ZBTB7C: variants seen among roughly 807,000 people sequenced by gnomAD.
ZBTB7C encodes zinc finger and BTB domain containing 7C, also known as zinc finger and BTB domain-containing protein 7C.
Under a neutral mutation model 25.7 loss-of-function variants are expected in ZBTB7C, and 8 were observed. That is an observed-to-expected ratio of 0.31 (90% confidence interval 0.18 to 0.56). ZBTB7C has a LOEUF of 0.56. Ranked by LOEUF, ZBTB7C falls within the 20% of genes least tolerant of loss-of-function variation. The pLI is 0.91. For synonymous variants in ZBTB7C, 394 were observed against 369.0 expected (o/e 1.07, Z -0.78); for missense variants, 824 against 855.2 (o/e 0.96, Z 0.46).
chr18:48,266,204 C>A (rs951533564), intron 2 of ZBTB7C, among the ~76,000 whole-genome samples: 3 of 152,088 alleles, frequency 2.0e-5, no homozygotes, highest in African/African-American at 7.2e-5. Context: ...TTTAAGTGGT[C>A]GATGGAGCTA....
intron 3 of ZBTB7C, among the ~76,000 whole-genome samples, chr18:48,089,910 G>A (rs1198113944): frequency 6.6e-6 from 1 of 152,234 alleles, no homozygotes; most frequent in Non-Finnish European, 1.5e-5. Flanking sequence ...GATCACGCAG[G>A]GTTGACACTG....
intron 2 of ZBTB7C, among the ~76,000 whole-genome samples, chr18:48,284,282 A>C (rs2044964362): frequency 6.6e-6 from 1 of 152,116 alleles, no homozygotes; most frequent in African/African-American, 2.4e-5. Context: ...TCTCTACAAA[A>C]ATAAAAATTA....
intron 3 of ZBTB7C, among the ~76,000 whole-genome samples, chr18:48,151,903 A>G (rs2040690220): frequency 6.6e-6 from 1 of 152,220 alleles, no homozygotes; most frequent in Admixed American, 6.5e-5. Flanking sequence ...TGTAGGTCAG[A>G]TGTAGATATG....
intron 3 of ZBTB7C, among the ~76,000 whole-genome samples, chr18:48,097,310 G>A (rs1051771147): frequency 6.6e-6 from 1 of 152,176 alleles, no homozygotes; most frequent in Non-Finnish European, 1.5e-5. Context: ...TGGGTAATCA[G>A]TTGTATAGAG....
At chr18:48,105,569 G>T (rs532724858) in intron 3 of ZBTB7C, among the ~76,000 whole-genome samples, 1 of 152,130 alleles carries the variant, frequency 6.6e-6, no homozygotes, top group Non-Finnish European at 1.5e-5. Flanking sequence ...GCCCCTGGAG[G>T]GGGTACTGCT....
At chr18:48,285,597 C>T (rs943367532) in intron 2 of ZBTB7C, among the ~76,000 whole-genome samples, 2 of 152,198 alleles carry the variant, frequency 1.3e-5, no homozygotes, top group Non-Finnish European at 1.5e-5. Context: ...AGCAATCCTC[C>T]TGCCTCGTCC....
At chr18:48,258,809 C>A (rs1472926580) in intron 2 of ZBTB7C, among the ~76,000 whole-genome samples, 4 of 152,148 alleles carry the variant, frequency 2.6e-5, no homozygotes, top group Non-Finnish European at 5.9e-5. Context: ...CAGGCGCACA[C>A]CACCACGCTC....
intron 2 of ZBTB7C, among the ~76,000 whole-genome samples, chr18:48,263,705 A>C (rs1414430331): frequency 1.3e-5 from 2 of 152,094 alleles, no homozygotes; most frequent in South Asian, 2.1e-4. Context: ...AAAAAAAAAA[A>C]AAAACTCAGC....
intron 3 of ZBTB7C, chr18:48,148,355 A>T (rs184436725): frequency 4.6e-5 from 7 of 152,322 alleles, no homozygotes; most frequent in Non-Finnish European, 1.0e-4. Context: ...ATATTTATTC[A>T]CACAAGTTCA....
At chr18:48,365,313 C>G (rs2047197146) in intron 1 of ZBTB7C, among the ~76,000 whole-genome samples, 1 of 152,164 alleles carries the variant, frequency 6.6e-6, no homozygotes. Context: ...ACAGATACTG[C>G]CAGATAGCAT....
intron 3 of ZBTB7C, chr18:48,148,974 T>C (rs2040582598): frequency 6.6e-6 from 1 of 152,276 alleles, no homozygotes; most frequent in East Asian, 1.9e-4. Flanking sequence ...ATTCCTGTCC[T>C]GTTCATTGGC....
At chr18:48,367,827 G>A (rs564031281) in intron 1 of ZBTB7C, among the ~76,000 whole-genome samples, 1 of 152,126 alleles carries the variant, frequency 6.6e-6, no homozygotes, top group East Asian at 1.9e-4. Context: ...CCCGTGTGGT[G>A]TCAGTGGGGG....
At chr18:48,374,455 T>C (rs1170984524) in intron 1 of ZBTB7C, 1 of 152,314 alleles carries the variant, frequency 6.6e-6, no homozygotes. Flanking sequence ...GTAGGCTCTA[T>C]GCCCCTGGGT....
At chr18:48,348,226 C>T (rs2046785342) in intron 1 of ZBTB7C, among the ~76,000 whole-genome samples, 1 of 152,212 alleles carries the variant, frequency 6.6e-6, no homozygotes, top group Admixed American at 6.5e-5. Context: ...GGAGCCAGAG[C>T]AGAAGGCAAG....
chr18:48,328,760 G>A (rs1251884278), intron 2 of ZBTB7C, among the ~76,000 whole-genome samples: 2 of 152,106 alleles, frequency 1.3e-5, no homozygotes, highest in Non-Finnish European at 2.9e-5. Flanking sequence ...AGGGGAGGAG[G>A]GTTCTTGATG....
intron 1 of ZBTB7C, among the ~76,000 whole-genome samples, chr18:48,343,980 T>C (rs1466948505): frequency 6.6e-6 from 1 of 152,120 alleles, no homozygotes; most frequent in East Asian, 1.9e-4. Flanking sequence ...GTTTTATTTA[T>C]TTATTTATTT....
intron 1 of ZBTB7C, among the ~76,000 whole-genome samples, chr18:48,366,148 T>C (rs1015977766): frequency 2.6e-5 from 4 of 152,196 alleles, no homozygotes; most frequent in Non-Finnish European, 5.9e-5. Context: ...AGCTGCCATC[T>C]GCAATTTGCT....
At chr18:48,355,237 G>A (rs1415197607) in intron 1 of ZBTB7C, among the ~76,000 whole-genome samples, 1 of 152,220 alleles carries the variant, frequency 6.6e-6, no homozygotes, top group Non-Finnish European at 1.5e-5. Flanking sequence ...TTCAAGGACT[G>A]TGGGGGAAGA....
At chr18:48,286,278 T>G (rs957804461) in intron 2 of ZBTB7C, among the ~76,000 whole-genome samples, 3 of 151,558 alleles carry the variant, frequency 2.0e-5, no homozygotes, top group Non-Finnish European at 4.4e-5. Flanking sequence ...ATTAGTTCTT[T>G]GTCAGCTGGA....
Sources: allele counts gnomAD v4.1 joint callset (sites outside exome capture counted in the v4.1 genomes callset), GRCh38; gene constraint gnomAD v4.1.1; transcripts MANE v1.5; gene names NCBI Gene and HGNC (gene_info 2026-07-23, HGNC 2026-07-21).